RITA1: variants seen among roughly 807,000 people sequenced by gnomAD.
RITA1 encodes the protein RBPJ interacting and tubulin associated 1.
In RITA1, 15 loss-of-function variants were observed where a neutral mutation model predicts 8.7. That is an observed-to-expected ratio of 1.72 (90% CI 1.15 to 2.65). The LOEUF (loss-of-function observed/expected upper bound fraction) is 2.65, where lower values mean the gene tolerates loss of function less well. Among genes scored for constraint, RITA1 ranks in the 30% most tolerant of loss-of-function variants. RITA1 has a pLI of 0.00. For synonymous variants in RITA1, 145 were observed against 156.2 expected, an observed-to-expected ratio of 0.93 and a Z score of 0.53; for missense variants, 330 against 363.8, an observed-to-expected ratio of 0.91 and a Z score of 0.76.
In RITA1 at chr12:113,191,277, C is replaced by G; in HGVS notation, c.303-33C>G. 6.7e-7 allele frequency: 1 copy of G among 1,498,346 alleles called. No individual in the cohort carries two copies. The highest frequency in any genetic ancestry group is 1.4e-5 in the African/African-American group (1 of 71,594). The allele number at this position is 1,498,346 out of a possible 1,614,324, so 92.8% of individuals were successfully genotyped here. A position where few individuals can be genotyped will look rare whatever the true frequency, so the allele number is the denominator to read the frequency against. On this transcript the variant is annotated intron_variant, in intron 3 of 3. Coordinates refer to ENST00000548278, the MANE Select transcript of RITA1 (RefSeq NM_032848.3). The surrounding 1 kb of genome is among the most constrained non-coding windows in gnomAD (Gnocchi z 4.0). Reference sequence around the variant, plus strand: ...TAAAGTTTTGAGGGGTTGTTCATCCCCCAGCTCATGGCGTTTATCTTCCAT... The same window carrying G: ...TAAAGTTTTGAGGGGTTGTTCATCCGCCAGCTCATGGCGTTTATCTTCCAT...
Position 113,186,725 on chromosome 12 carries a change from G to A in RITA1, c.-22G>A, listed in dbSNP as rs1203613695. 6.2e-7 allele frequency: 1 copy of A among 1,609,264 alleles called. No individual in the cohort carries two copies. Among genetic ancestry groups the A allele is most frequent in the Admixed American group, 1.7e-5 (1 of 59,924 alleles). ...GCCTGGCCGGCAGAGCACACCTGCTGTCACCAGGGACCACAGGCAGCATGA... is the reference window on the plus strand; with the variant it reads ...GCCTGGCCGGCAGAGCACACCTGCTATCACCAGGGACCACAGGCAGCATGA... On this transcript the variant is annotated 5_prime_UTR_variant, in exon 3 of 4. Transcript: ENST00000548278.
At position 113,191,678 on chromosome 12, in the gene RITA1, A is replaced by C; in HGVS notation, c.671A>C (p.Gln224Pro). 1 of 1,614,154 alleles carries C rather than the reference A, an allele frequency of 6.2e-7. No homozygotes were observed. The highest frequency in any genetic ancestry group is 1.1e-5 in the South Asian group (1 of 91,090). ...ATSAPHTNGP[Q>P]DLRPSTSGVT... Reference sequence around the variant, plus strand: ...AGTGCCCCCCACACAAATGGGCCTCAGGATCTCAGGCCTTCCACGTCAGGG... The same window carrying C: ...AGTGCCCCCCACACAAATGGGCCTCCGGATCTCAGGCCTTCCACGTCAGGG... The change falls in exon 4 of 4, where the codon CAG becomes CCG. Residue 224 changes from glutamine (Q) to proline (P), a missense_variant. Coordinates refer to ENST00000548278, the MANE Select transcript of RITA1 (RefSeq NM_032848.3). This position sits in a 1 kb window ranked among gnomAD's most constrained non-coding sequence, Gnocchi z 4.0.
intron 3 of RITA1, among the ~76,000 whole-genome samples, chr12:113,188,622 C>G (rs1210363016): frequency 6.6e-6 from 1 of 151,846 alleles, no homozygotes; most frequent in East Asian, 1.9e-4. Flanking sequence ...CACGTTCTCA[C>G]AGTGTCATCA....
In RITA1 at chr12:113,191,462, A is replaced by G; in HGVS notation, c.455A>G (p.His152Arg). The G allele has an allele frequency of 6.2e-7, 1 of 1,603,412 alleles. No individual in the cohort carries two copies. ...CCACCACCTACCCCCAGGGGTAGCC[A>G]CTCGCCCCGCCCCAGGGAGGCACCA... The part of the protein sequence containing the change: ...WTPPPTPRGS[H>R]SPRPREAPLR... Residue 152 changes from histidine (H) to arginine (R), a missense_variant, in exon 4 of 4, where the codon CAC (histidine) becomes CGC (arginine). By Grantham distance (29) the His-to-Arg change is conservative. Transcript: ENST00000548278. This position sits in a 1 kb window ranked among gnomAD's most constrained non-coding sequence, Gnocchi z 4.0.
chr12:113,191,863 GC>G lies in RITA1; in HGVS notation c.*50del. On this transcript the variant is annotated 3_prime_UTR_variant, in exon 4 of 4. Transcript: ENST00000548278. The surrounding 1 kb of genome is among the most constrained non-coding windows in gnomAD (Gnocchi z 4.0). The stretch of plus-strand genomic sequence containing the variant: ...CTATGGGGCCACGGCGACAGGTATG[GC>G]CCCTTGCCAGGGTAGGAGGACATTC... 1 of 1,536,482 alleles carries G rather than the reference GC, an allele frequency of 6.5e-7. No individual in the cohort carries two copies. Among genetic ancestry groups the G allele is most frequent in the Non-Finnish European group, 8.8e-7 (1 of 1,141,506 alleles).
Position 113,185,753 on chromosome 12 carries a change from C to CA in RITA1, c.-462dup. 2 of 585,826 alleles carry CA rather than the reference C, an allele frequency of 3.4e-6. No individual in the cohort carries two copies. Among genetic ancestry groups the CA allele is most frequent in the African/African-American group, 1.9e-5 (1 of 52,266 alleles). 36.3% of individuals were successfully genotyped at this position (585,826 alleles called of 1,614,324 possible). On this transcript the variant is annotated 5_prime_UTR_variant, in exon 1 of 4. Coordinates refer to ENST00000548278, the MANE Select transcript of RITA1 (RefSeq NM_032848.3). The stretch of plus-strand genomic sequence containing the variant: ...CTGGCTGCTCCCTGGTTGCTGGGTG[C>CA]AAAGTGCTGGGTTCTGGGTTTCTGG...
rs1490490933 is a variant in RITA1 at position 113,186,551 on chromosome 12, A to G, written c.-64-132A>G. The G allele has an allele frequency of 5.8e-6, 8 of 1,388,600 alleles. No individual in the cohort carries two copies. In the African/African-American group the frequency reaches 1.0e-4, roughly 18 times the overall value. 86.0% of individuals were successfully genotyped at this position (1,388,600 alleles called of 1,614,324 possible). On this transcript the variant is annotated intron_variant, in intron 2 of 3. Transcript: ENST00000548278. ...AAGAAATTTCCAAAATGCCCCCTGA[A>G]GTTGACAGCTCCCCTTTGAGAGACT...
At chr12:113,187,218 A>C (rs1952549147) in intron 3 of RITA1, 170 bp downstream of exon 3, 1 of 680,862 alleles carries the variant, frequency 1.5e-6, no homozygotes, top group Admixed American at 3.2e-5. Flanking sequence ...GGGATTGTTG[A>C]TGGATTAAAT....
intron 3 of RITA1, among the ~76,000 whole-genome samples, chr12:113,188,786 C>CTTTTTT (rs1566105385): frequency 1.6e-5 from 1 of 64,258 alleles, no homozygotes. Context: ...GCCTTAGTTA[C>CTTTTTT]CTTTTTTTTT....
rs933379315 is a variant in RITA1, at chr12:113,191,216, C to T, written c.303-94C>T. 5.5e-6 allele frequency: 8 copies of T among 1,448,052 alleles called. No homozygotes were observed. In the East Asian group the frequency reaches 1.9e-4, roughly 34 times the overall value. The allele number at this position is 1,448,052 out of a possible 1,614,324, so 89.7% of individuals were successfully genotyped here. Reference sequence around the variant, plus strand: ...CCTGGGATCTGCAGGCAACCCTCCTCTGCTGCTGCCATCCCAGGGTGGGTG... The same window carrying T: ...CCTGGGATCTGCAGGCAACCCTCCTTTGCTGCTGCCATCCCAGGGTGGGTG... On this transcript the variant is annotated intron_variant, in intron 3 of 3. Coordinates refer to ENST00000548278, the MANE Select transcript of RITA1 (RefSeq NM_032848.3). This position sits in a 1 kb window ranked among gnomAD's most constrained non-coding sequence, Gnocchi z 4.0.
Position 113,191,522 on chromosome 12 carries a change from C to T in RITA1, c.515C>T (p.Thr172Ile). Residue 172 changes from threonine to isoleucine, a missense_variant, in exon 4 of 4, where the codon ACA (threonine) becomes ATA (isoleucine). Physicochemically the swap from Thr to Ile is moderately conservative, Grantham distance 89. Coordinates refer to ENST00000548278, the MANE Select transcript of RITA1 (RefSeq NM_032848.3). The surrounding 1 kb of genome is among the most constrained non-coding windows in gnomAD (Gnocchi z 4.0). Reference protein sequence around the residue: ...RAIHPAGPSKTEPGPAADSQK... With the variant: ...RAIHPAGPSKIEPGPAADSQK... ...ATTCACCCAGCTGGTCCCTCCAAGA[C>T]AGAGCCGGGGCCAGCGGCAGACTCC... 6.2e-7 allele frequency: 1 copy of T among 1,612,236 alleles called. No individual in the cohort carries two copies. Among genetic ancestry groups the T allele is most frequent in the Non-Finnish European group, 8.5e-7 (1 of 1,178,658 alleles).
At chr12:113,186,130 G>A in intron 1 of RITA1, 55 bp from the exon 2 acceptor site, 1 of 1,483,782 alleles carries the variant, frequency 6.7e-7, no homozygotes, top group Non-Finnish European at 9.1e-7. Context: ...TCTCCCGATA[G>A]CAGTGTAGCC....
Position 113,191,727 on chromosome 12 carries a change from GACTTCCAGGGCTCGCTCAGTTA to G in RITA1, c.721_742del (p.Thr241AlafsTer79), listed in dbSNP as rs757126698. 1 of 1,614,052 alleles carries G rather than the reference GACTTCCAGGGCTCGCTCAGTTA, an allele frequency of 6.2e-7. No homozygotes were observed. The highest frequency in any genetic ancestry group is 8.5e-7 in the Non-Finnish European group (1 of 1,180,022). ...GGGTGACCTTCCGGAGCCCCCTGGT[GACTTCCAGGGCTCGCTCAGTTA>G]GCATTTCAGTGCCATCTACCCCACG... is the stretch of plus-strand genomic sequence containing the variant. On this transcript the variant is annotated frameshift_variant, in exon 4 of 4. Coordinates refer to ENST00000548278, the MANE Select transcript of RITA1 (RefSeq NM_032848.3). LOFTEE classifies it low-confidence loss of function (END_TRUNC). The surrounding 1 kb of genome is among the most constrained non-coding windows in gnomAD (Gnocchi z 4.0).
chr12:113,185,732 C>T lies in RITA1; in HGVS notation c.-486C>T, dbSNP rs1952527853. ...CGGGCCGCGTCCGCAGTGCTGCTGGCTGCTCCCTGGTTGCTGGGTGCAAAG... is the reference window on the plus strand; with the variant it reads ...CGGGCCGCGTCCGCAGTGCTGCTGGTTGCTCCCTGGTTGCTGGGTGCAAAG... On this transcript the variant is annotated 5_prime_UTR_variant, in exon 1 of 4. Transcript: ENST00000548278. 3.5e-6 allele frequency: 2 copies of T among 575,084 alleles called. No homozygotes were observed. The highest frequency in any genetic ancestry group is 6.0e-6 in the Non-Finnish European group (2 of 332,066). 35.6% of individuals were successfully genotyped at this position (575,084 alleles called of 1,614,324 possible). A position where few individuals can be genotyped will look rare whatever the true frequency, so the allele number is the denominator to read the frequency against.
Position 113,185,817 on chromosome 12 carries a change from C to T in RITA1, c.-401C>T, listed in dbSNP as rs977824214. 17 of 685,332 alleles carry T rather than the reference C, an allele frequency of 2.5e-5. No homozygotes were observed. The Admixed American group carries it at 4.1e-4, about 17-fold the overall frequency. 42.5% of individuals were successfully genotyped at this position (685,332 alleles called of 1,614,324 possible). The stretch of plus-strand genomic sequence containing the variant: ...TCACACGTAGCCTGTGCCGGCTCCT[C>T]GGGTGAGTCCGTCCGCGCGCGGTGC... On this transcript the variant is annotated 5_prime_UTR_variant, in exon 1 of 4. Coordinates refer to ENST00000548278, the MANE Select transcript of RITA1 (RefSeq NM_032848.3).
chr12:113,186,980 G>A lies in RITA1; in HGVS notation c.234G>A (p.Gly78=). Residue 78 remains glycine, a synonymous_variant, in exon 3 of 4, where the codon GGG becomes GGA. Coordinates refer to ENST00000548278, the MANE Select transcript of RITA1 (RefSeq NM_032848.3). ...KEASKALGAK[G]SCETTPSRGS... Reference sequence around the variant, plus strand: ...CATCGAAGGCCTTGGGGGCAAAGGGGAGCTGTGAGACCACCCCCTCAAGGG... The same window carrying A: ...CATCGAAGGCCTTGGGGGCAAAGGGAAGCTGTGAGACCACCCCCTCAAGGG... 1 of 1,613,146 alleles carries A rather than the reference G, an allele frequency of 6.2e-7. No individual in the cohort carries two copies. The highest frequency in any genetic ancestry group is 8.5e-7 in the Non-Finnish European group (1 of 1,179,620).
chr12:113,186,385 C>CT, intron 2 of RITA1, 69 bp downstream of exon 2: 1 of 1,368,204 alleles, frequency 7.3e-7, no homozygotes, highest in Non-Finnish European at 9.4e-7. Context: ...AAGTGCCTGT[C>CT]TCCCCTACCA....
Position 113,191,231 on chromosome 12 carries a change from C to T in RITA1, c.303-79C>T, listed in dbSNP as rs537688793. On this transcript the variant is annotated intron_variant, in intron 3 of 3. Transcript: ENST00000548278. This position sits in a 1 kb window ranked among gnomAD's most constrained non-coding sequence, Gnocchi z 4.0. Reference sequence around the variant, plus strand: ...CAACCCTCCTCTGCTGCTGCCATCCCAGGGTGGGTGGGAGAGCTGTTAAAG... The same window carrying T: ...CAACCCTCCTCTGCTGCTGCCATCCTAGGGTGGGTGGGAGAGCTGTTAAAG... 2.2e-4 allele frequency: 321 copies of T among 1,471,200 alleles called. No homozygotes were observed. In the African/African-American group the frequency reaches 3.5e-3, roughly 16 times the overall value. The allele number at this position is 1,471,200 out of a possible 1,614,324, so 91.1% of individuals were successfully genotyped here.
rs773378868 is a variant in RITA1, at chr12:113,191,740, C to A, written c.733C>A (p.Arg245Ser). Reference sequence around the variant, plus strand: ...GAGCCCCCTGGTGACTTCCAGGGCTCGCTCAGTTAGCATTTCAGTGCCATC... The same window carrying A: ...GAGCCCCCTGGTGACTTCCAGGGCTAGCTCAGTTAGCATTTCAGTGCCATC... ...FRSPLVTSRA[R>S]SVSISVPSTP... The change falls in exon 4 of 4, where the codon CGC becomes AGC. Residue 245 changes from arginine to serine, a missense_variant. Coordinates refer to ENST00000548278, the MANE Select transcript of RITA1 (RefSeq NM_032848.3). The surrounding 1 kb of genome is among the most constrained non-coding windows in gnomAD (Gnocchi z 4.0). 6.2e-7 allele frequency: 1 copy of A among 1,613,850 alleles called. No individual in the cohort carries two copies.
Sources: gnomAD v4.1 joint callset for allele counts (sites outside exome capture counted in the v4.1 genomes callset) on GRCh38, gnomAD v4.1.1 for gene constraint, Gnocchi (gnomAD v3.1) non-coding constraint, MANE v1.5 for transcripts, NCBI Gene and HGNC (gene_info 2026-07-23, HGNC 2026-07-21) for gene names.